PRKCE: variants seen among roughly 807,000 people sequenced by gnomAD.
The protein encoded by PRKCE is protein kinase C epsilon, also known as protein kinase C epsilon type.
In PRKCE, 16 loss-of-function variants were observed where a neutral mutation model predicts 85.4. The ratio of observed to expected loss-of-function variants is 0.19; its 90% CI spans 0.13 to 0.28. The LOEUF is 0.28. Among genes scored for constraint, PRKCE ranks in the 10% least tolerant of loss-of-function variants. The pLI, the probability that PRKCE is intolerant of heterozygous loss-of-function variation, is 1.00. For missense variants in PRKCE, 573 were observed against 975.2 expected (o/e 0.59, Z 5.49); for synonymous variants, 388 against 371.5 (o/e 1.04, Z -0.51).
chr2:45,898,357 G>A (rs1207947961), intron 2 of PRKCE, among the ~76,000 whole-genome samples: 1 of 152,172 alleles, frequency 6.6e-6, no homozygotes, highest in Admixed American at 6.5e-5. Flanking sequence ...GTGTGATTAG[G>A]ATCTACCTGC....
intron 2 of PRKCE, among the ~76,000 whole-genome samples, chr2:45,893,321 C>G (rs148081457): frequency 6.6e-6 from 1 of 151,622 alleles, no homozygotes; most frequent in Non-Finnish European, 1.5e-5. Flanking sequence ...TCTCCCACAG[C>G]ACAGCCTGGC....
intron 1 of PRKCE, among the ~76,000 whole-genome samples, chr2:45,785,516 A>C (rs62127178): frequency 6.6e-6 from 1 of 152,084 alleles, no homozygotes; most frequent in African/African-American, 2.4e-5. Context: ...AAAAAAAGAA[A>C]TGTAAGTGGT....
intron 14 of PRKCE, among the ~76,000 whole-genome samples, chr2:46,164,445 G>A (rs1013916553): frequency 9.9e-5 from 15 of 152,240 alleles, no homozygotes; most frequent in African/African-American, 3.4e-4. Flanking sequence ...GCCCCTGAGG[G>A]AGCTCCAGGT....
intron 13 of PRKCE, among the ~76,000 whole-genome samples, chr2:46,153,286 ATATT>A (rs1412568455): frequency 3.3e-5 from 5 of 152,360 alleles, no homozygotes; most frequent in African/African-American, 1.2e-4. Context: ...TATTAAACAA[ATATT>A]TATTGAGCAT....
At chr2:45,969,126 T>A (rs1258637501) in intron 2 of PRKCE, among the ~76,000 whole-genome samples, 1 of 148,332 alleles carries the variant, frequency 6.7e-6, no homozygotes, top group Non-Finnish European at 1.5e-5. Flanking sequence ...CCCTGGAATG[T>A]TGTTGGAGGT....
Position 46,159,713 on chromosome 2 carries a change from G to A in PRKCE, c.2028G>A (p.Leu676=). The change falls in exon 14 of 15, where the codon CTG becomes CTA. Residue 676 remains leucine, a synonymous_variant. Transcript: ENST00000306156. The surrounding 1 kb of genome is among the most constrained non-coding windows in gnomAD (Gnocchi z 4.1). ...PFFKEIDWVL[L]EQKKIKPPFK... ...TCAAAGAGATTGACTGGGTGCTCCT[G>A]GAGCAGAAGAAGATCAAGCCACCCT... The A allele has an allele frequency of 1.3e-6, 2 of 1,599,284 alleles. No homozygotes were observed. The highest frequency in any genetic ancestry group is 8.5e-7 in the Non-Finnish European group (1 of 1,179,808).
At position 45,933,859 on chromosome 2, in the gene PRKCE, A is replaced by G. The variant is rs546670112; in HGVS notation, c.413-42570A>G. Among the ~76,000 whole-genome samples, 80 of 152,308 alleles carry G rather than the reference A, an allele frequency of 5.3e-4. No homozygotes were observed. In the South Asian group the frequency reaches 7.7e-3, roughly 15 times the overall value. On this transcript the variant is annotated intron_variant, in intron 2 of 14. Coordinates refer to ENST00000306156, the MANE Select transcript of PRKCE (RefSeq NM_005400.3). Reference sequence around the variant, plus strand: ...AGCACAATCATAAGATTTGGGCAGCACTGTAGTAAAATCATGTTAACTTGG... The same window carrying G: ...AGCACAATCATAAGATTTGGGCAGCGCTGTAGTAAAATCATGTTAACTTGG...
chr2:45,940,703 C>T lies in PRKCE; in HGVS notation c.413-35726C>T, dbSNP rs367871590. ...TGCATGTCACACATGCTTTCACTCCCACACATGCTTTCAAACACATACATA... is the reference window on the plus strand; with the variant it reads ...TGCATGTCACACATGCTTTCACTCCTACACATGCTTTCAAACACATACATA... On this transcript the variant is annotated intron_variant, in intron 2 of 14. Transcript: ENST00000306156. Among the ~76,000 whole-genome samples, 29 of 149,748 alleles carry T rather than the reference C, an allele frequency of 1.9e-4. No individual in the cohort carries two copies. In the South Asian group the frequency reaches 4.1e-3, roughly 21 times the overall value.
At chr2:46,015,227 T>C (rs1706025045) in intron 10 of PRKCE, among the ~76,000 whole-genome samples, 1 of 151,360 alleles carries the variant, frequency 6.6e-6, no homozygotes, top group African/African-American at 2.4e-5. Flanking sequence ...GTAGTTTTGT[T>C]TTTTTTTTCT....
intron 1 of PRKCE, among the ~76,000 whole-genome samples, chr2:45,796,476 A>T (rs1044034538): frequency 4.6e-5 from 7 of 152,010 alleles, no homozygotes; most frequent in African/African-American, 1.7e-4. Flanking sequence ...GGCTGCTATT[A>T]TATCTCTTAT....
At chr2:45,949,768 G>T (rs1048853813) in intron 2 of PRKCE, among the ~76,000 whole-genome samples, 11 of 151,836 alleles carry the variant, frequency 7.2e-5, no homozygotes, top group Non-Finnish European at 1.6e-4. Context: ...TTTCCCTCTT[G>T]AACCTCCTGT....
Position 45,955,069 on chromosome 2 carries a change from T to C in PRKCE, c.413-21360T>C. Reference sequence around the variant, plus strand: ...CTAGCTGAGGAAACAATATGAACACTCCATCACGCACTCCATCAAGTACTC... The same window carrying C: ...CTAGCTGAGGAAACAATATGAACACCCCATCACGCACTCCATCAAGTACTC... On this transcript the variant is annotated intron_variant, in intron 2 of 14. Transcript: ENST00000306156. 4.1e-5 allele frequency among the ~76,000 whole-genome samples: 2 copies of C among 49,094 alleles called. 1 individual carries two copies. Among genetic ancestry groups the C allele is most frequent in the Admixed American group, 4.1e-4 (2 of 4,932 alleles). 32.2% of individuals were successfully genotyped at this position (49,094 alleles called of 152,430 possible). A position where few individuals can be genotyped will look rare whatever the true frequency, so the allele number is the denominator to read the frequency against.
intron 10 of PRKCE, among the ~76,000 whole-genome samples, chr2:46,017,093 T>C (rs752859959): frequency 3.9e-5 from 6 of 152,084 alleles, no homozygotes; most frequent in Non-Finnish European, 8.8e-5. Context: ...TAACCGTTTT[T>C]AAGTGTACAG....
intron 11 of PRKCE, among the ~76,000 whole-genome samples, chr2:46,107,502 A>G (rs1671841564): frequency 1.3e-5 from 2 of 152,192 alleles, no homozygotes; most frequent in Admixed American, 6.5e-5. Flanking sequence ...GATGATTATG[A>G]GTAAAGCTAC....
intron 2 of PRKCE, among the ~76,000 whole-genome samples, chr2:45,928,392 C>A (rs1010646725): frequency 5.9e-5 from 9 of 152,190 alleles, no homozygotes; most frequent in Non-Finnish European, 1.2e-4. Flanking sequence ...CTCAGCTTCC[C>A]GAGTAGCTGG....
intron 2 of PRKCE, among the ~76,000 whole-genome samples, chr2:45,946,094 C>T (rs562662934): frequency 2.0e-5 from 3 of 152,352 alleles, no homozygotes; most frequent in Non-Finnish European, 2.9e-5. Context: ...CCTCCCAGGG[C>T]GTAGGATGTT....
At chr2:45,965,769 A>G (rs946994742) in intron 2 of PRKCE, among the ~76,000 whole-genome samples, 1 of 152,134 alleles carries the variant, frequency 6.6e-6, no homozygotes, top group Admixed American at 6.6e-5. Flanking sequence ...AGTCTTGCTT[A>G]TATGCGTTTG....
At chr2:46,146,134 T>G (rs987009881) in intron 12 of PRKCE, among the ~76,000 whole-genome samples, 1 of 152,222 alleles carries the variant, frequency 6.6e-6, no homozygotes, top group African/African-American at 2.4e-5. Context: ...GATGTTTTGC[T>G]CAGCATGAAG....
intron 1 of PRKCE, chr2:45,677,872 A>G: frequency 1.0e-6 from 1 of 985,498 alleles, no homozygotes; most frequent in Non-Finnish European, 1.2e-6. Context: ...AAGACGATGG[A>G]AAGGCCAGGA....
Sources: gnomAD v4.1 joint callset for allele counts (sites outside exome capture counted in the v4.1 genomes callset) on GRCh38, gnomAD v4.1.1 for gene constraint, Gnocchi (gnomAD v3.1) non-coding constraint, MANE v1.5 for transcripts, NCBI Gene and HGNC (gene_info 2026-07-23, HGNC 2026-07-21) for gene names.